GRM5: variants seen among roughly 807,000 people sequenced by gnomAD.
GRM5 encodes the protein metabotropic glutamate receptor 5.
GRM5 carries 19 observed loss-of-function variants against 83.1 expected under a neutral mutation model. The observed-to-expected ratio is 0.23, with a 90% confidence interval of 0.16 to 0.34. GRM5 has a LOEUF of 0.34. GRM5 is among the 10% of genes least tolerant of loss of function. The pLI is 1.00. For synonymous variants in GRM5, 675 were observed against 633.6 expected (o/e 1.07, Z -0.98); for missense variants, 1,160 against 1,588.3 (o/e 0.73, Z 4.58).
chr11:88,707,295 G>A (rs1023878773), intron 3 of GRM5, among the ~76,000 whole-genome samples: 1 of 152,038 alleles, frequency 6.6e-6, no homozygotes, highest in Admixed American at 6.6e-5. Flanking sequence ...TCAGTGCCTG[G>A]GATTTGGTAG....
chr11:88,807,602 G>A (rs1943518727), intron 3 of GRM5, among the ~76,000 whole-genome samples: 1 of 152,032 alleles, frequency 6.6e-6, no homozygotes, highest in Non-Finnish European at 1.5e-5. Flanking sequence ...GCAATTGATG[G>A]TATGCCATCT....
intron 2 of GRM5, among the ~76,000 whole-genome samples, chr11:88,989,824 A>G (rs1939895906): frequency 6.6e-6 from 1 of 151,630 alleles, no homozygotes; most frequent in Non-Finnish European, 1.5e-5. Flanking sequence ...GAGAACAAAG[A>G]CACAACATAC....
chr11:88,892,387 A>G (rs1370620788), intron 2 of GRM5, among the ~76,000 whole-genome samples: 4 of 151,948 alleles, frequency 2.6e-5, no homozygotes, highest in Non-Finnish European at 5.9e-5. Context: ...AGGACCTCCA[A>G]GTTTATCTTG....
At chr11:89,062,659 C>A (rs181288480) in intron 1 of GRM5, among the ~76,000 whole-genome samples, 172 of 152,344 alleles carry the variant, frequency 1.1e-3, no homozygotes, top group African/African-American at 4.0e-3. Context: ...GCTTGTTATC[C>A]TCTCCTAAAT....
rs555860747 is a variant in GRM5, at chr11:88,643,188, T to C, written c.1147+9980A>G. 5.9e-5 allele frequency among the ~76,000 whole-genome samples: 9 copies of C among 152,232 alleles called. No homozygotes were observed. In the South Asian group the frequency reaches 8.3e-4, roughly 14 times the overall value. ...GGAGGTCTCAGGAAGCTTTTACTCA[T>C]TGCAGAAGGCAGAGCGAGAGCAGGC... On this transcript the variant is annotated intron_variant, in intron 4 of 9. Coordinates refer to ENST00000305447, the MANE Select transcript of GRM5 (RefSeq NM_001143831.3).
intron 3 of GRM5, among the ~76,000 whole-genome samples, chr11:88,730,877 G>A (rs1941792841): frequency 6.6e-6 from 1 of 152,126 alleles, no homozygotes; most frequent in Admixed American, 6.6e-5. Context: ...AGGGAGTCGG[G>A]GGCTAGGGGA....
At chr11:88,916,075 CTTAA>C in intron 2 of GRM5, among the ~76,000 whole-genome samples, 1 of 152,108 alleles carries the variant, frequency 6.6e-6, no homozygotes, top group African/African-American at 2.4e-5. Context: ...ATTTATTCTT[CTTAA>C]TTATTCATTT....
At chr11:88,559,149 G>A (rs1301253020) in intron 8 of GRM5, among the ~76,000 whole-genome samples, 3 of 152,058 alleles carry the variant, frequency 2.0e-5, no homozygotes, top group African/African-American at 7.2e-5. Context: ...AGTTCTTAAG[G>A]TTTAAATTTT....
chr11:88,544,273 G>A (rs1942341679), intron 8 of GRM5, among the ~76,000 whole-genome samples: 1 of 152,128 alleles, frequency 6.6e-6, no homozygotes, highest in Admixed American at 6.5e-5. Flanking sequence ...TGGTGAAATG[G>A]TACCTGTTTA....
chr11:88,786,147 T>C (rs748555043), intron 3 of GRM5, among the ~76,000 whole-genome samples: 6 of 152,050 alleles, frequency 3.9e-5, no homozygotes, highest in South Asian at 2.1e-4. Flanking sequence ...ATCTGAGAAA[T>C]AGATGATAAA....
chr11:88,900,103 T>TA (rs1945291532), intron 2 of GRM5, among the ~76,000 whole-genome samples: 3 of 152,150 alleles, frequency 2.0e-5, no homozygotes, highest in African/African-American at 7.2e-5. Flanking sequence ...CCAGGTGGCA[T>TA]AAAAAATGAA....
intron 2 of GRM5, among the ~76,000 whole-genome samples, chr11:88,908,671 T>C (rs1306133324): frequency 1.3e-5 from 2 of 152,134 alleles, no homozygotes; most frequent in Admixed American, 6.6e-5. Context: ...TCTAGGTATA[T>C]TGGAATACAG....
chr11:88,707,209 C>A (rs1941182314), intron 3 of GRM5, among the ~76,000 whole-genome samples: 1 of 152,052 alleles, frequency 6.6e-6, no homozygotes, highest in African/African-American at 2.4e-5. Flanking sequence ...GCTTCAGTTT[C>A]TTTATCTGTA....
At chr11:88,543,813 T>A (rs901213984) in intron 8 of GRM5, among the ~76,000 whole-genome samples, 1 of 152,002 alleles carries the variant, frequency 6.6e-6, no homozygotes, top group Admixed American at 6.6e-5. Flanking sequence ...TTTTTATATC[T>A]CCAGTGCCTA....
At chr11:88,742,404 C>T (rs548904979) in intron 3 of GRM5, among the ~76,000 whole-genome samples, 15 of 152,100 alleles carry the variant, frequency 9.9e-5, no homozygotes, top group African/African-American at 1.9e-4. Context: ...AAACTTAAGA[C>T]GGTAGGAAAT....
intron 3 of GRM5, among the ~76,000 whole-genome samples, chr11:88,798,840 CA>C (rs1163307345): frequency 8.9e-6 from 1 of 111,846 alleles, no homozygotes; most frequent in Admixed American, 8.4e-5. Context: ...ACAACAACAA[CA>C]AAAAAAAACT....
At chr11:88,915,189 G>A (rs1309848425) in intron 2 of GRM5, among the ~76,000 whole-genome samples, 1 of 152,060 alleles carries the variant, frequency 6.6e-6, no homozygotes, top group Non-Finnish European at 1.5e-5. Context: ...TTCAGTGAAG[G>A]AGGAGGACAG....
chr11:88,984,398 G>C (rs1356654923), intron 2 of GRM5, among the ~76,000 whole-genome samples: 1 of 152,120 alleles, frequency 6.6e-6, no homozygotes, highest in African/African-American at 2.4e-5. Flanking sequence ...TTGTAGCGTA[G>C]GAGCAATAGG....
intron 2 of GRM5, among the ~76,000 whole-genome samples, chr11:88,972,742 T>C (rs1195001242): frequency 6.6e-6 from 1 of 152,140 alleles, no homozygotes; most frequent in East Asian, 1.9e-4. Flanking sequence ...TTTCCATCAA[T>C]GCATAATGAT....
Sources: gnomAD v4.1 joint callset for allele counts (sites outside exome capture counted in the v4.1 genomes callset) on GRCh38, gnomAD v4.1.1 for gene constraint, MANE v1.5 for transcripts, NCBI Gene and HGNC (gene_info 2026-07-23, HGNC 2026-07-21) for gene names.